TNR: variants seen among roughly 807,000 people sequenced by gnomAD.
TNR encodes tenascin R.
TNR carries 45 observed loss-of-function variants against 150.4 expected under a neutral mutation model. That is an observed-to-expected ratio of 0.30 (90% CI 0.24 to 0.38). TNR has a LOEUF of 0.38. Ranked by LOEUF, TNR falls within the 10% of genes least tolerant of loss-of-function variation. The pLI is 1.00. For synonymous variants in TNR, 687 were observed against 678.4 expected, an observed-to-expected ratio of 1.01 and a Z score of -0.20; for missense variants, 1,544 against 1,759.1, an observed-to-expected ratio of 0.88 and a Z score of 2.19.
In TNR at chr1:175,396,536, G is replaced by T; in HGVS notation, c.1240+8C>A. On this transcript the variant is annotated splice_region_variant and intron_variant, in intron 5 of 22. Transcript: ENST00000367674. ...AAAAATGAAGCAGGACGGGGAAATG[G>T]TACGTACGGGTGGCCACCTTGGCAG... 1 of 1,611,798 alleles carries T rather than the reference G, an allele frequency of 6.2e-7. No homozygotes were observed. Among genetic ancestry groups the T allele is most frequent in the Non-Finnish European group, 8.5e-7 (1 of 1,178,120 alleles).
At chr1:175,331,464 C>T (rs185528839) in intron 20 of TNR, among the ~76,000 whole-genome samples, 3 of 152,090 alleles carry the variant, frequency 2.0e-5, no homozygotes, top group East Asian at 1.9e-4. Flanking sequence ...GGGGTTTCAC[C>T]GTGTTAGCCA....
At chr1:175,425,562 G>T (rs1217392006) in intron 2 of TNR, among the ~76,000 whole-genome samples, 1 of 152,124 alleles carries the variant, frequency 6.6e-6, no homozygotes, top group Non-Finnish European at 1.5e-5. Flanking sequence ...GATGGAATTG[G>T]TTTTTATAAA....
intron 1 of TNR, among the ~76,000 whole-genome samples, chr1:175,601,447 C>T (rs987320856): frequency 6.6e-6 from 1 of 152,152 alleles, no homozygotes; most frequent in African/African-American, 2.4e-5. Flanking sequence ...GGTGAATGGG[C>T]CTAAACTTAA....
intron 2 of TNR, among the ~76,000 whole-genome samples, chr1:175,523,918 G>A (rs571640433): frequency 6.6e-5 from 10 of 151,982 alleles, no homozygotes; most frequent in South Asian, 2.1e-4. Flanking sequence ...ACATAGCAGC[G>A]TCTACACGTC....
intron 1 of TNR, among the ~76,000 whole-genome samples, chr1:175,671,415 G>C (rs1558065153): frequency 6.6e-6 from 1 of 152,220 alleles, no homozygotes. Flanking sequence ...GAGTGAGGGA[G>C]TGGGGACTGC....
intron 1 of TNR, among the ~76,000 whole-genome samples, chr1:175,679,208 C>T (rs1284731176): frequency 2.0e-5 from 3 of 152,194 alleles, no homozygotes; most frequent in East Asian, 1.9e-4. Flanking sequence ...GCGGGTGCTT[C>T]GGAGCAAAGC....
chr1:175,533,973 G>T (rs1660171413), intron 1 of TNR, among the ~76,000 whole-genome samples: 1 of 152,170 alleles, frequency 6.6e-6, no homozygotes, highest in Non-Finnish European at 1.5e-5. Flanking sequence ...CCCAGGGAAG[G>T]TCTTGGTTTG....
At chr1:175,354,636 C>G (rs924300010) in intron 17 of TNR, 113 bp from the exon 18 acceptor site, 26 of 1,313,260 alleles carry the variant, frequency 2.0e-5, no homozygotes, top group Middle Eastern at 1.9e-4. Flanking sequence ...ATTGCAATGG[C>G]CATTGTCATC....
chr1:175,648,875 G>A (rs1004897052), intron 1 of TNR, among the ~76,000 whole-genome samples: 6 of 152,088 alleles, frequency 3.9e-5, no homozygotes, highest in Non-Finnish European at 5.9e-5. Context: ...TCTCCCGGAC[G>A]TCCACCACCT....
chr1:175,678,558 C>A (rs1025724934), intron 1 of TNR, among the ~76,000 whole-genome samples: 1 of 152,142 alleles, frequency 6.6e-6, no homozygotes, highest in Non-Finnish European at 1.5e-5. Flanking sequence ...CCCTGCCCAC[C>A]TCCCCTGTCT....
chr1:175,534,345 T>C (rs1571572046), intron 1 of TNR, among the ~76,000 whole-genome samples: 1 of 152,184 alleles, frequency 6.6e-6, no homozygotes, highest in Non-Finnish European at 1.5e-5. Flanking sequence ...TAGAGTTTCC[T>C]TGGGACAGCT....
At chr1:175,560,155 T>C (rs1346185241) in intron 1 of TNR, among the ~76,000 whole-genome samples, 1 of 152,250 alleles carries the variant, frequency 6.6e-6, no homozygotes, top group Non-Finnish European at 1.5e-5. Context: ...TCAGCTTTTG[T>C]TTTAAGCCTG....
chr1:175,741,935 A>C (rs1667941661), intron 1 of TNR, among the ~76,000 whole-genome samples: 1 of 152,180 alleles, frequency 6.6e-6, no homozygotes, highest in Non-Finnish European at 1.5e-5. Context: ...AACCATAAAC[A>C]GTTAGGGGTT....
At chr1:175,658,382 C>T (rs1665257578) in intron 1 of TNR, among the ~76,000 whole-genome samples, 2 of 152,210 alleles carry the variant, frequency 1.3e-5, no homozygotes, top group African/African-American at 4.8e-5. Flanking sequence ...GGAGCTCACA[C>T]TCTCAGGAGG....
At chr1:175,565,161 G>A (rs1034670454) in intron 1 of TNR, among the ~76,000 whole-genome samples, 2 of 152,174 alleles carry the variant, frequency 1.3e-5, no homozygotes, top group East Asian at 3.8e-4. Context: ...TTACAAATAA[G>A]GACAAACAGG....
chr1:175,709,828 T>C (rs115227406), intron 1 of TNR, among the ~76,000 whole-genome samples: 2,838 of 151,920 alleles, frequency 0.019, 61 homozygotes, highest in African/African-American at 0.038. Context: ...ACCTCCCATA[T>C]GCCAGGCACT....
chr1:175,608,208 A>C (rs1663476064), intron 1 of TNR, among the ~76,000 whole-genome samples: 1 of 152,238 alleles, frequency 6.6e-6, no homozygotes, highest in Admixed American at 6.5e-5. Context: ...ATTCTATGGA[A>C]ATTTAATATA....
At chr1:175,556,354 G>A (rs760649) in intron 1 of TNR, among the ~76,000 whole-genome samples, 104,114 of 152,186 alleles carry the variant, frequency 0.68, 35,870 homozygotes, top group Admixed American at 0.76. Flanking sequence ...ATTCAAGTGC[G>A]TAAAGGACTG....
intron 1 of TNR, among the ~76,000 whole-genome samples, chr1:175,657,895 T>G (rs1454447462): frequency 1.0e-5 from 1 of 97,068 alleles, no homozygotes; most frequent in Non-Finnish European, 2.2e-5. Flanking sequence ...GTAACAAACC[T>G]GCACGTTGTG....
Sources: gnomAD v4.1 joint callset for allele counts (sites outside exome capture counted in the v4.1 genomes callset) on GRCh38, gnomAD v4.1.1 for gene constraint, MANE v1.5 for transcripts, NCBI Gene and HGNC (gene_info 2026-07-23, HGNC 2026-07-21) for gene names.